EXOC5: variants seen among roughly 807,000 people sequenced by gnomAD.
The protein encoded by EXOC5 is exocyst complex component 5.
EXOC5 carries 17 observed loss-of-function variants against 90.8 expected under a neutral mutation model. The observed-to-expected ratio is 0.19, with a 90% CI of 0.13 to 0.28. The LOEUF (loss-of-function observed/expected upper bound fraction) is 0.28, where lower values mean the gene tolerates loss of function less well. Among genes scored for constraint, EXOC5 ranks in the 10% least tolerant of loss-of-function variants. The pLI is 1.00. For missense variants in EXOC5, 569 were observed against 830.6 expected (o/e 0.69, Z 3.87); for synonymous variants, 260 against 270.0 (o/e 0.96, Z 0.36).
At chr14:57,255,664 C>T (rs1884328467) in intron 1 of EXOC5, among the ~76,000 whole-genome samples, 1 of 152,106 alleles carries the variant, frequency 6.6e-6, no homozygotes, top group Non-Finnish European at 1.5e-5. Context: ...GAAACCCTGT[C>T]TCTACTAAAA....
intron 1 of EXOC5, among the ~76,000 whole-genome samples, chr14:57,258,710 C>T (rs540387279): frequency 2.0e-5 from 3 of 152,300 alleles, no homozygotes; most frequent in East Asian, 3.9e-4. Flanking sequence ...GTCATTTCTA[C>T]TGAAAAATCT....
At chr14:57,257,872 A>T (rs1884397208) in intron 1 of EXOC5, among the ~76,000 whole-genome samples, 1 of 152,126 alleles carries the variant, frequency 6.6e-6, no homozygotes, top group African/African-American at 2.4e-5. Context: ...TGTAATACAA[A>T]TACCTGTAAA....
intron 1 of EXOC5, among the ~76,000 whole-genome samples, chr14:57,266,694 T>C (rs1660141850): frequency 7.0e-6 from 1 of 142,532 alleles, no homozygotes; most frequent in Admixed American, 7.2e-5. Flanking sequence ...TATATGTATG[T>C]TATATATACG....
At chr14:57,209,905 C>T in intron 16 of EXOC5, 48 bp downstream of exon 16, 1 of 1,195,750 alleles carries the variant, frequency 8.4e-7, no homozygotes, top group South Asian at 1.3e-5. Context: ...TAGGATACAC[C>T]AATGAAAATG....
chr14:57,228,852 TAA>T (rs574621292), intron 12 of EXOC5, among the ~76,000 whole-genome samples: 24 of 70,400 alleles, frequency 3.4e-4, no homozygotes, highest in Admixed American at 4.4e-4. Flanking sequence ...ACTTAAAGTA[TAA>T]AAAAAAAAAA....
At chr14:57,265,916 G>GAT (rs767067064) in intron 1 of EXOC5, among the ~76,000 whole-genome samples, 1 of 152,084 alleles carries the variant, frequency 6.6e-6, no homozygotes, top group South Asian at 2.1e-4. Flanking sequence ...AAACTTCCAG[G>GAT]ATATACACTA....
At chr14:57,209,225 G>T (rs1020124900) in intron 17 of EXOC5, among the ~76,000 whole-genome samples, 1 of 151,754 alleles carries the variant, frequency 6.6e-6, no homozygotes, top group African/African-American at 2.4e-5. Context: ...AGCAAAAATG[G>T]GTTTAATATT....
At chr14:57,210,676 C>T (rs1278633079) in intron 15 of EXOC5, among the ~76,000 whole-genome samples, 1 of 152,176 alleles carries the variant, frequency 6.6e-6, no homozygotes, top group African/African-American at 2.4e-5. Context: ...TCTGGCATTA[C>T]CATCACTCCT....
intron 14 of EXOC5, among the ~76,000 whole-genome samples, chr14:57,218,431 T>G (rs145096162): frequency 6.6e-6 from 1 of 152,108 alleles, no homozygotes; most frequent in African/African-American, 2.4e-5. Context: ...AGAAAAGTTA[T>G]AGACTATCAT....
In EXOC5 at chr14:57,229,608, A is replaced by ACTAC. The variant is rs2139632543; in HGVS notation, c.1296+122_1296+125dup. 3 of 472,172 alleles carry ACTAC rather than the reference A, an allele frequency of 6.4e-6. No individual in the cohort carries two copies. In the East Asian group the frequency reaches 9.6e-5, roughly 15 times the overall value. 29.2% of individuals were successfully genotyped at this position (472,172 alleles called of 1,614,324 possible). A position where few individuals can be genotyped will look rare whatever the true frequency, so the allele number is the denominator to read the frequency against. On this transcript the variant is annotated intron_variant, in intron 12 of 17. Transcript: ENST00000621441. The stretch of plus-strand genomic sequence containing the variant: ...GGATGTGCATAGAATATATGCAAAT[A>ACTAC]CTACACACTTTATATAGCAGACTTG...
intron 4 of EXOC5, among the ~76,000 whole-genome samples, chr14:57,242,558 G>C (rs1883901272): frequency 6.6e-6 from 1 of 151,918 alleles, no homozygotes; most frequent in Non-Finnish European, 1.5e-5. Context: ...TGCCAAAAAA[G>C]AACAATTAAA....
intron 11 of EXOC5, among the ~76,000 whole-genome samples, chr14:57,230,757 T>G (rs2139634072): frequency 6.6e-6 from 1 of 152,204 alleles, no homozygotes; most frequent in South Asian, 2.1e-4. Context: ...ATTAAGGTAT[T>G]AATTTAATAG....
chr14:57,262,062 C>T (rs541697228), intron 1 of EXOC5, among the ~76,000 whole-genome samples: 4 of 152,288 alleles, frequency 2.6e-5, no homozygotes, highest in African/African-American at 9.6e-5. Flanking sequence ...TCTCCTACTT[C>T]TTGGATCATT....
chr14:57,229,661 G>A, intron 12 of EXOC5, 73 bp downstream of exon 12: 1 of 1,148,450 alleles, frequency 8.7e-7, no homozygotes, highest in Non-Finnish European at 1.2e-6. Context: ...TATCCTCGGA[G>A]GTTCTGGAAT....
intron 15 of EXOC5, 116 bp downstream of exon 15, chr14:57,217,866 A>T: frequency 1.5e-6 from 1 of 659,278 alleles, no homozygotes; most frequent in Non-Finnish European, 2.7e-6. Flanking sequence ...AATCAAATGT[A>T]GCAATATGGT....
At chr14:57,213,103 G>A (rs1392111688) in intron 15 of EXOC5, among the ~76,000 whole-genome samples, 1 of 150,990 alleles carries the variant, frequency 6.6e-6, no homozygotes, top group Non-Finnish European at 1.5e-5. Context: ...CGTAAGTGCT[G>A]CTAGGCATGG....
chr14:57,229,346 T>G (rs1883406452), intron 12 of EXOC5, among the ~76,000 whole-genome samples: 1 of 152,148 alleles, frequency 6.6e-6, no homozygotes, highest in Non-Finnish European at 1.5e-5. Flanking sequence ...TAGTCAGTTC[T>G]CTCTAACTGT....
At chr14:57,228,872 G>T (rs116422094) in intron 12 of EXOC5, among the ~76,000 whole-genome samples, 12 of 147,538 alleles carry the variant, frequency 8.1e-5, no homozygotes, top group African/African-American at 3.0e-4. Context: ...AAAAAAAAAG[G>T]AGTGTCTGGA....
At position 57,208,374 on chromosome 14, in the gene EXOC5, G is replaced by T; in HGVS notation, c.*235C>A. The T allele has an allele frequency of 2.7e-6, 1 of 366,668 alleles. No individual in the cohort carries two copies. The highest frequency in any genetic ancestry group is 4.9e-6 in the Non-Finnish European group (1 of 203,792). 22.7% of individuals were successfully genotyped at this position (366,668 alleles called of 1,614,324 possible). The stretch of plus-strand genomic sequence containing the variant: ...GAGAATCTGAAATTTCTACATTCAA[G>T]AATGGAATTAAAATTCAATGTGAGG... On this transcript the variant is annotated 3_prime_UTR_variant, in exon 18 of 18. Coordinates refer to ENST00000621441, the MANE Select transcript of EXOC5 (RefSeq NM_006544.4).
Sources: gnomAD v4.1 joint callset for allele counts (sites outside exome capture counted in the v4.1 genomes callset) on GRCh38, gnomAD v4.1.1 for gene constraint, MANE v1.5 for transcripts, NCBI Gene and HGNC (gene_info 2026-07-23, HGNC 2026-07-21) for gene names.